Variants in JMY observed in about 807,000 individuals in gnomAD.
JMY encodes junction-mediating and -regulatory protein.
A neutral mutation model predicts 103.3 loss-of-function variants in JMY; 46 were observed. The ratio of observed to expected loss-of-function variants is 0.45; its 90% CI spans 0.35 to 0.57. The LOEUF (loss-of-function observed/expected upper bound fraction) is 0.57. JMY is among the 20% of genes least tolerant of loss of function. JMY has a pLI of 0.00. For missense variants in JMY, 1,238 were observed against 1,255.2 expected (o/e 0.99, Z 0.21); for synonymous variants, 526 against 489.3 (o/e 1.07, Z -0.99).
At chr5:79,252,683 C>T (rs1198154223) in intron 1 of JMY, among the ~76,000 whole-genome samples, 1 of 152,198 alleles carries the variant, frequency 6.6e-6, no homozygotes, top group Non-Finnish European at 1.5e-5. Flanking sequence ...TACCCTCTTG[C>T]TAAATTGACC....
chr5:79,280,745 C>T (rs957643775), intron 2 of JMY, among the ~76,000 whole-genome samples: 8 of 152,080 alleles, frequency 5.3e-5, no homozygotes, highest in Non-Finnish European at 1.2e-4. Context: ...TATTTTCCTA[C>T]TTCATAGATA....
chr5:79,309,237 A>G (rs1396846282), intron 7 of JMY, among the ~76,000 whole-genome samples: 2 of 152,150 alleles, frequency 1.3e-5, no homozygotes, highest in Non-Finnish European at 2.9e-5. Context: ...CTTAGCAAGA[A>G]AGCTCTAGTT....
chr5:79,316,063 T>A lies in JMY; in HGVS notation c.2723T>A (p.Val908Asp). ...CGTGGTAGTTTTCATCTGAAAAAGG[T>A]TGAACAGCGAACTCTGCCTCCTTTT... Reference protein sequence around the residue: ...LKRGSFHLKKVEQRTLPPFPD... With the variant: ...LKRGSFHLKKDEQRTLPPFPD... Residue 908 changes from valine (V) to aspartate (D), a missense_variant, in exon 10 of 11, where the codon GTT becomes GAT. By Grantham distance (152) the Val-to-Asp change is radical. Transcript: ENST00000396137. 1 of 1,614,192 alleles carries A rather than the reference T, an allele frequency of 6.2e-7. No homozygotes were observed. Among genetic ancestry groups the A allele is most frequent in the Non-Finnish European group, 8.5e-7 (1 of 1,180,020 alleles).
chr5:79,252,478 T>C (rs1036020316), intron 1 of JMY, among the ~76,000 whole-genome samples: 4 of 152,174 alleles, frequency 2.6e-5, no homozygotes, highest in African/African-American at 9.7e-5. Flanking sequence ...TTGTTAGGTC[T>C]GTTTGACCTA....
intron 1 of JMY, among the ~76,000 whole-genome samples, chr5:79,256,809 G>A (rs991192134): frequency 5.2e-5 from 7 of 135,322 alleles, no homozygotes; most frequent in Non-Finnish European, 6.1e-5. Flanking sequence ...GTTCTCCATC[G>A]CCTAGGGTTG....
chr5:79,281,558 C>T (rs1057488280), intron 2 of JMY, among the ~76,000 whole-genome samples: 2 of 151,728 alleles, frequency 1.3e-5, no homozygotes, highest in Non-Finnish European at 2.9e-5. Context: ...TTACGCAGCA[C>T]GTGACTATAA....
chr5:79,303,713 A>G (rs1746804116), intron 6 of JMY, among the ~76,000 whole-genome samples: 1 of 152,168 alleles, frequency 6.6e-6, no homozygotes. Flanking sequence ...GAAGATGATG[A>G]TTCCACACAA....
In JMY at chr5:79,263,999, C is replaced by G. The variant is rs1394530821; in HGVS notation, c.1033-13911C>G. 2.0e-5 allele frequency among the ~76,000 whole-genome samples: 3 copies of G among 152,030 alleles called. No individual in the cohort carries two copies. The East Asian group carries it at 5.8e-4, about 29-fold the overall frequency. ...ACGGGGTTTCACCATGTTGGCCAGG[C>G]TGGTCTCAAACTCCTGACCTCTGGT... On this transcript the variant is annotated intron_variant, in intron 1 of 10. Coordinates refer to ENST00000396137, the MANE Select transcript of JMY (RefSeq NM_152405.5).
At chr5:79,317,048 G>A (rs1747251025) in intron 10 of JMY, among the ~76,000 whole-genome samples, 1 of 146,388 alleles carries the variant, frequency 6.8e-6, no homozygotes, top group Non-Finnish European at 1.5e-5. Context: ...TCTGTAAAAA[G>A]AAATCAATAC....
intron 1 of JMY, among the ~76,000 whole-genome samples, chr5:79,253,181 T>C (rs1745139697): frequency 6.6e-6 from 1 of 152,212 alleles, no homozygotes; most frequent in African/African-American, 2.4e-5. Flanking sequence ...AAGACTCTAA[T>C]CTTAACTTTG....
chr5:79,294,535 T>G (rs1442126783), intron 4 of JMY, among the ~76,000 whole-genome samples: 1 of 152,188 alleles, frequency 6.6e-6, no homozygotes, highest in African/African-American at 2.4e-5. Flanking sequence ...CCCTTTAGAT[T>G]CCAATTCGTG....
intron 4 of JMY, among the ~76,000 whole-genome samples, chr5:79,294,060 G>T (rs1746499696): frequency 6.6e-6 from 1 of 152,106 alleles, no homozygotes. Flanking sequence ...GTTGAAATAA[G>T]GAGATTTTCT....
At chr5:79,242,543 A>T (rs1744772873) in intron 1 of JMY, among the ~76,000 whole-genome samples, 1 of 152,198 alleles carries the variant, frequency 6.6e-6, no homozygotes. Flanking sequence ...ACTGAGGCAG[A>T]AAATGAGACT....
At chr5:79,250,240 C>CT (rs1745036843) in intron 1 of JMY, among the ~76,000 whole-genome samples, 2 of 152,196 alleles carry the variant, frequency 1.3e-5, no homozygotes, top group Non-Finnish European at 1.5e-5. Flanking sequence ...CAAGAAAAAT[C>CT]TAACGGGTTG....
rs1043732600 is a variant in JMY at position 79,306,549 on chromosome 5, C to A, written c.1968+88C>A. 5.5e-5 allele frequency: 49 copies of A among 894,636 alleles called. No homozygotes were observed. The Middle Eastern group carries it at 7.5e-4, about 14-fold the overall frequency. The allele number at this position is 894,636 out of a possible 1,614,324, so 55.4% of individuals were successfully genotyped here. A position where few individuals can be genotyped will look rare whatever the true frequency, so the allele number is the denominator to read the frequency against. ...AAATCTGTAGAGAATGATAAAAAAA[C>A]TTATAACTGCATGTTAACATTAGTT... On this transcript the variant is annotated intron_variant, in intron 7 of 10. Coordinates refer to ENST00000396137, the MANE Select transcript of JMY (RefSeq NM_152405.5).
rs370602686 is a variant in JMY, at chr5:79,327,130, C to T, written c.*5528C>T. 19 of 152,328 alleles carry T rather than the reference C, an allele frequency of 1.2e-4. No individual in the cohort carries two copies. The highest frequency in any genetic ancestry group is 4.3e-4 in the African/African-American group (18 of 41,578). The allele number at this position is 152,328 out of a possible 1,614,324, so 9.4% of individuals were successfully genotyped here. A position where few individuals can be genotyped will look rare whatever the true frequency, so the allele number is the denominator to read the frequency against. On this transcript the variant is annotated 3_prime_UTR_variant, in exon 11 of 11. Transcript: ENST00000396137. ...TTGCAATCACCTTTCTCTTGTTGTA[C>T]ATGCAATGTAACAACCTACAGTTTT...
chr5:79,284,576 T>C, intron 2 of JMY: 1 of 1,541,864 alleles, frequency 6.5e-7, no homozygotes, highest in South Asian at 1.1e-5. Context: ...TGTCTGCCAT[T>C]TTTTGACCAT....
intron 1 of JMY, among the ~76,000 whole-genome samples, chr5:79,245,523 G>A (rs1032670010): frequency 6.6e-6 from 1 of 152,022 alleles, no homozygotes; most frequent in Non-Finnish European, 1.5e-5. Context: ...GCCTTTTTGG[G>A]CCTTAGTTTT....
At chr5:79,241,149 T>A (rs1744727890) in intron 1 of JMY, among the ~76,000 whole-genome samples, 1 of 152,210 alleles carries the variant, frequency 6.6e-6, no homozygotes, top group Non-Finnish European at 1.5e-5. Context: ...TCAAAATGGT[T>A]AGTAAGTTGT....
Sources: gnomAD v4.1 joint callset for allele counts (sites outside exome capture counted in the v4.1 genomes callset) on GRCh38, gnomAD v4.1.1 for gene constraint, MANE v1.5 for transcripts, NCBI Gene and HGNC (gene_info 2026-07-23, HGNC 2026-07-21) for gene names.